MARK1: variants seen among roughly 807,000 people sequenced by gnomAD.
The protein encoded by MARK1 is microtubule affinity regulating kinase 1.
Under a neutral mutation model 96.3 loss-of-function variants are expected in MARK1, and 40 were observed. The observed-to-expected ratio is 0.42, with a 90% CI of 0.32 to 0.54. MARK1 has a LOEUF of 0.54. Ranked by LOEUF, MARK1 falls within the 20% of genes least tolerant of loss-of-function variation. The pLI, the probability that MARK1 is intolerant of heterozygous loss-of-function variation, is 0.16. For missense variants in MARK1, 719 were observed against 984.6 expected, an observed-to-expected ratio of 0.73 and a Z score of 3.61; for synonymous variants, 317 against 341.2, an observed-to-expected ratio of 0.93 and a Z score of 0.78.
At chr1:220,636,063 A>G (rs1016520390) in intron 13 of MARK1, 37 bp downstream of exon 13, 33 of 1,418,334 alleles carry the variant, frequency 2.3e-5, no homozygotes, top group Non-Finnish European at 2.9e-5. Flanking sequence ...ATTTATTGTA[A>G]TAACTTGTTT....
At chr1:220,603,990 A>G in intron 5 of MARK1, 77 bp from the exon 6 acceptor site, 1 of 849,758 alleles carries the variant, frequency 1.2e-6, no homozygotes, top group African/African-American at 1.7e-5. Flanking sequence ...ATAAACAAGG[A>G]AAAAACTTGA....
chr1:220,598,426 A>G (rs1437518744), intron 4 of MARK1, 47 bp downstream of exon 4: 1 of 225,448 alleles, frequency 4.4e-6, no homozygotes, highest in Non-Finnish European at 9.1e-6. Flanking sequence ...ATAATTAGCG[A>G]TGAAGTGTTT....
intron 1 of MARK1, among the ~76,000 whole-genome samples, chr1:220,552,956 C>G (rs1477275064): frequency 1.3e-5 from 2 of 152,120 alleles, no homozygotes; most frequent in Non-Finnish European, 1.5e-5. Flanking sequence ...ATCTATGTTG[C>G]TGGGCCCATG....
chr1:220,628,669 T>C (rs1162207589), intron 9 of MARK1, among the ~76,000 whole-genome samples: 2 of 152,186 alleles, frequency 1.3e-5, no homozygotes, highest in African/African-American at 4.8e-5. Flanking sequence ...CACTATTCAT[T>C]CTTCCTGGAG....
Position 220,640,890 on chromosome 1 carries a change from T to C in MARK1, c.1470+4864T>C, listed in dbSNP as rs191806368. Among the ~76,000 whole-genome samples the C allele has an allele frequency of 3.7e-4, 57 of 152,286 alleles. No individual in the cohort carries two copies. In the East Asian group the frequency reaches 5.6e-3, roughly 15 times the overall value. ...AGCCACACCTCCCAACACTTTTGCA[T>C]TGGGGATCAAGCTTCTAACACAGGA... On this transcript the variant is annotated intron_variant, in intron 13 of 17. Transcript: ENST00000366917.
At chr1:220,541,047 C>G (rs1330264321) in intron 1 of MARK1, among the ~76,000 whole-genome samples, 1 of 152,074 alleles carries the variant, frequency 6.6e-6, no homozygotes, top group Non-Finnish European at 1.5e-5. Flanking sequence ...GATTCTCTGC[C>G]TCAGCCTCCT....
intron 3 of MARK1, among the ~76,000 whole-genome samples, chr1:220,594,155 T>C (rs1447161393): frequency 6.6e-6 from 1 of 152,304 alleles, no homozygotes; most frequent in Admixed American, 6.5e-5. Context: ...GGAGCAGGCT[T>C]CTCAAAAATT....
rs774452473 is a variant in MARK1 at position 220,531,951 on chromosome 1, A to G, written c.51+3078A>G. Among the ~76,000 whole-genome samples the G allele has an allele frequency of 1.3e-3, 204 of 152,124 alleles. 2 individuals are homozygous for G. The highest frequency in any genetic ancestry group is 1.3e-3 in the Non-Finnish European group (87 of 68,004). ...TAGATTTTATTTGGATAATTCCACC[A>G]TGGATATAGATAATATATTATCATT... On this transcript the variant is annotated intron_variant, in intron 1 of 17. Transcript: ENST00000366917.
At chr1:220,584,701 G>A (rs1370935723) in intron 3 of MARK1, among the ~76,000 whole-genome samples, 1 of 152,166 alleles carries the variant, frequency 6.6e-6, no homozygotes, top group Non-Finnish European at 1.5e-5. Flanking sequence ...AACCATGGGA[G>A]CAATATTCAG....
intron 3 of MARK1, among the ~76,000 whole-genome samples, chr1:220,584,524 G>A (rs943947401): frequency 6.6e-6 from 1 of 152,274 alleles, no homozygotes; most frequent in Admixed American, 6.5e-5. Context: ...TGTGTTACCT[G>A]TTATATAAAA....
chr1:220,626,249 A>G (rs1028161813), intron 9 of MARK1: 1 of 532,006 alleles, frequency 1.9e-6, no homozygotes, highest in Non-Finnish European at 3.7e-6. Flanking sequence ...AGGGTGCTGT[A>G]TATTGACATT....
chr1:220,541,251 G>A (rs1235306908), intron 1 of MARK1, among the ~76,000 whole-genome samples: 1 of 152,036 alleles, frequency 6.6e-6, no homozygotes, highest in African/African-American at 2.4e-5. Flanking sequence ...TTTAACGTAG[G>A]TGTTTTTTTA....
rs1660064151 is a variant in MARK1, at chr1:220,528,491, G to T, written c.-332G>T. 2.1e-4 allele frequency: 78 copies of T among 376,194 alleles called. No homozygotes were observed. In the East Asian group the frequency reaches 3.9e-3, roughly 19 times the overall value. The allele number at this position is 376,194 out of a possible 1,614,324, so 23.3% of individuals were successfully genotyped here. The stretch of plus-strand genomic sequence containing the variant: ...CCCATGGTCCGGAGAGCCTAGCGGG[G>T]CTCGCCACCGCCTCCCGGCTCCCCT... On this transcript the variant is annotated 5_prime_UTR_variant, in exon 1 of 18. Transcript: ENST00000366917.
In MARK1 at chr1:220,599,143, A is replaced by C. The variant is rs932639916; in HGVS notation, c.359-655A>C. Among the ~76,000 whole-genome samples, 4 of 152,204 alleles carry C rather than the reference A, an allele frequency of 2.6e-5. No homozygotes were observed. The East Asian group carries it at 7.7e-4, about 29-fold the overall frequency. On this transcript the variant is annotated intron_variant, in intron 4 of 17. Transcript: ENST00000366917. ...AAAAGTTGATTTCAATTTTAGTAAA[A>C]TTTTTCAGTAAGTTCTGATTTCTCC...
At chr1:220,621,227 G>A (rs1572187872) in intron 9 of MARK1, among the ~76,000 whole-genome samples, 2 of 151,846 alleles carry the variant, frequency 1.3e-5, no homozygotes, top group Admixed American at 6.6e-5. Flanking sequence ...GTTACGTAAC[G>A]TAATTTATTT....
At chr1:220,641,223 T>C (rs187569365) in intron 13 of MARK1, among the ~76,000 whole-genome samples, 10 of 152,336 alleles carry the variant, frequency 6.6e-5, no homozygotes, top group Admixed American at 6.5e-4. Flanking sequence ...TGAATCTTAG[T>C]GCCCCCTGCA....
At chr1:220,642,692 G>A (rs371383439) in intron 13 of MARK1, among the ~76,000 whole-genome samples, 7 of 152,202 alleles carry the variant, frequency 4.6e-5, no homozygotes, top group East Asian at 3.9e-4. Context: ...CCCAAGTGGG[G>A]TTAGTAGACA....
At position 220,584,608 on chromosome 1, in the gene MARK1, G is replaced by A. The variant is rs1048513177; in HGVS notation, c.309+3490G>A. Among the ~76,000 whole-genome samples, 14 of 152,296 alleles carry A rather than the reference G, an allele frequency of 9.2e-5. 1 individual carries two copies. The highest frequency in any genetic ancestry group is 1.9e-4 in the East Asian group (1 of 5,186). On this transcript the variant is annotated intron_variant, in intron 3 of 17. Transcript: ENST00000366917. ...TAAAGCCCAGAGACCTCTCTGGTAAGCTAATTAAGTTTTCCAGATTATCTG... is the reference window on the plus strand; with the variant it reads ...TAAAGCCCAGAGACCTCTCTGGTAAACTAATTAAGTTTTCCAGATTATCTG...
chr1:220,532,519 A>C (rs923403942), intron 1 of MARK1, among the ~76,000 whole-genome samples: 1 of 152,146 alleles, frequency 6.6e-6, no homozygotes, highest in Non-Finnish European at 1.5e-5. Flanking sequence ...TATTGGTGAC[A>C]TTGGTGAGGG....
Sources: gnomAD v4.1 joint callset for allele counts (sites outside exome capture counted in the v4.1 genomes callset) on GRCh38, gnomAD v4.1.1 for gene constraint, MANE v1.5 for transcripts, NCBI Gene and HGNC (gene_info 2026-07-23, HGNC 2026-07-21) for gene names.